EXOC4: variants seen among roughly 807,000 people sequenced by gnomAD.
The protein encoded by EXOC4 is exocyst complex component 4, also known as SEC8-like 1.
Under a neutral mutation model 107.2 loss-of-function variants are expected in EXOC4, and 71 were observed. The ratio of observed to expected loss-of-function variants is 0.66; its 90% CI spans 0.55 to 0.81. The LOEUF is 0.81. Among genes scored for constraint, EXOC4 ranks in the 30% least tolerant of loss-of-function variants. The pLI is 0.00. For synonymous variants in EXOC4, 456 were observed against 441.2 expected (o/e 1.03, Z -0.42); for missense variants, 1,108 against 1,189.6 (o/e 0.93, Z 1.01).
At chr7:133,781,508 T>C (rs1461965819) in intron 10 of EXOC4, among the ~76,000 whole-genome samples, 1 of 152,272 alleles carries the variant, frequency 6.6e-6, no homozygotes, top group Non-Finnish European at 1.5e-5. Flanking sequence ...TTTGTTTCTT[T>C]GTTTGCAGAG....
At chr7:133,709,954 A>G (rs1317468149) in intron 10 of EXOC4, among the ~76,000 whole-genome samples, 1 of 152,180 alleles carries the variant, frequency 6.6e-6, no homozygotes, top group Non-Finnish European at 1.5e-5. Context: ...CACATATGTT[A>G]TTACACCAAA....
chr7:133,400,617 A>G (rs115200118), intron 7 of EXOC4, among the ~76,000 whole-genome samples: 2 of 152,260 alleles, frequency 1.3e-5, no homozygotes, highest in South Asian at 2.1e-4. Flanking sequence ...GTTTCTCTAC[A>G]TTCCATCATT....
chr7:133,860,508 C>T (rs879864151), intron 11 of EXOC4, among the ~76,000 whole-genome samples: 1 of 152,156 alleles, frequency 6.6e-6, no homozygotes, highest in Admixed American at 6.5e-5. Context: ...GAAGAAAGGA[C>T]TATGGAAAAG....
intron 10 of EXOC4, among the ~76,000 whole-genome samples, chr7:133,787,427 T>G (rs1372702209): frequency 6.6e-6 from 1 of 151,344 alleles, no homozygotes; most frequent in Non-Finnish European, 1.5e-5. Flanking sequence ...CTGTGTCAAG[T>G]GTCAAAGCAC....
intron 6 of EXOC4, among the ~76,000 whole-genome samples, chr7:133,370,155 G>T (rs1216585030): frequency 1.1e-5 from 1 of 88,070 alleles, no homozygotes. Flanking sequence ...CCCCCCAAAA[G>T]CATAAACCAA....
intron 14 of EXOC4, among the ~76,000 whole-genome samples, chr7:133,970,499 T>C (rs1046991927): frequency 6.6e-6 from 1 of 152,040 alleles, no homozygotes; most frequent in Non-Finnish European, 1.5e-5. Flanking sequence ...AATCTCCTGG[T>C]CTGCAGGTTG....
At chr7:133,793,799 G>A (rs181307343) in intron 10 of EXOC4, among the ~76,000 whole-genome samples, 71 of 152,154 alleles carry the variant, frequency 4.7e-4, no homozygotes, top group East Asian at 4.1e-3. Flanking sequence ...AGCCAAAATC[G>A]CGCCTCTGCA....
chr7:134,031,266 T>A (rs1795264636), intron 17 of EXOC4, among the ~76,000 whole-genome samples: 1 of 152,228 alleles, frequency 6.6e-6, no homozygotes, highest in African/African-American at 2.4e-5. Context: ...ATTTGTATGG[T>A]ATGTGAATTA....
intron 13 of EXOC4, among the ~76,000 whole-genome samples, chr7:133,935,534 G>A (rs1203077196): frequency 1.3e-5 from 2 of 152,112 alleles, no homozygotes; most frequent in African/African-American, 2.4e-5. Context: ...GCTGTAAGAC[G>A]CTGTGGTTGG....
intron 7 of EXOC4, among the ~76,000 whole-genome samples, chr7:133,376,261 A>T (rs1796488212): frequency 6.6e-6 from 1 of 152,216 alleles, no homozygotes; most frequent in Non-Finnish European, 1.5e-5. Context: ...GTCAATTGCC[A>T]TGCCTGTAGT....
At chr7:134,099,364 T>C in the EXOC4 span, among the ~76,000 whole-genome samples, 1 of 99,156 alleles carries the variant, frequency 1.0e-5, no homozygotes, top group East Asian at 2.9e-4. Context: ...CTCCCTCTCT[T>C]CTCTCCTGAA....
At chr7:134,064,087 C>T (rs1189015713) in intron 17 of EXOC4, among the ~76,000 whole-genome samples, 1 of 152,182 alleles carries the variant, frequency 6.6e-6, no homozygotes, top group Non-Finnish European at 1.5e-5. Flanking sequence ...TTAGACTTCT[C>T]CTGAAGAGAG....
intron 9 of EXOC4, among the ~76,000 whole-genome samples, chr7:133,628,102 T>C (rs73726938): frequency 0.021 from 3,164 of 152,304 alleles, 113 homozygotes; most frequent in African/African-American, 0.072. Context: ...AAACCAAATG[T>C]TGCGAGTGTA....
At chr7:133,946,845 T>C (rs1216813954) in intron 14 of EXOC4, among the ~76,000 whole-genome samples, 1 of 152,336 alleles carries the variant, frequency 6.6e-6, no homozygotes, top group Middle Eastern at 3.4e-3. Flanking sequence ...GAGTTACCCC[T>C]TTTTTAAAAC....
intron 7 of EXOC4, among the ~76,000 whole-genome samples, chr7:133,437,244 T>A (rs139725022): frequency 6.6e-6 from 1 of 152,166 alleles, no homozygotes; most frequent in East Asian, 1.9e-4. Context: ...GTTTTTAGAT[T>A]TTTATTCTGA....
chr7:133,660,618 C>T (rs1355059463), intron 10 of EXOC4, among the ~76,000 whole-genome samples: 1 of 152,144 alleles, frequency 6.6e-6, no homozygotes, highest in African/African-American at 2.4e-5. Flanking sequence ...TAAAAGCATC[C>T]AGTCAGAAGA....
At chr7:133,298,120 G>A (rs1794559391) in intron 3 of EXOC4, among the ~76,000 whole-genome samples, 1 of 152,168 alleles carries the variant, frequency 6.6e-6, no homozygotes, top group Non-Finnish European at 1.5e-5. Flanking sequence ...GACAAGATAG[G>A]AGGAGCTTGT....
In EXOC4 at chr7:133,437,684, A is replaced by G. The variant is rs181093049; in HGVS notation, c.1183-37644A>G. On this transcript the variant is annotated intron_variant, in intron 7 of 17. Coordinates refer to ENST00000253861, the MANE Select transcript of EXOC4 (RefSeq NM_021807.4). The stretch of plus-strand genomic sequence containing the variant: ...CATACTGATTGTAAATGACTCCACA[A>G]GTGTGTGCATGAATTCCCTTAAGCT... 2.0e-5 allele frequency among the ~76,000 whole-genome samples: 3 copies of G among 152,256 alleles called. No homozygotes were observed. In the East Asian group the frequency reaches 5.8e-4, roughly 29 times the overall value.
intron 14 of EXOC4, among the ~76,000 whole-genome samples, chr7:133,964,350 T>A (rs550053040): frequency 6.8e-4 from 104 of 152,232 alleles, no homozygotes; most frequent in African/African-American, 2.4e-3. Context: ...TCTATATACT[T>A]TAAGTTCTGG....
Sources: allele counts gnomAD v4.1 joint callset (sites outside exome capture counted in the v4.1 genomes callset), GRCh38; gene constraint gnomAD v4.1.1; transcripts MANE v1.5; gene names NCBI Gene and HGNC (gene_info 2026-07-23, HGNC 2026-07-21).